The following FBXL7 variants were observed in gnomAD, a reference collection of about 807,000 sequenced individuals.
The protein encoded by FBXL7 is F-box and leucine rich repeat protein 7, also known as F-box/LRR-repeat protein 7.
A neutral mutation model predicts 38.3 loss-of-function variants in FBXL7; 12 were observed. That is an observed-to-expected ratio of 0.31 (90% CI 0.20 to 0.51). FBXL7 has a LOEUF of 0.51. Ranked by LOEUF, FBXL7 falls within the 20% of genes least tolerant of loss-of-function variation. The pLI is 0.98. For synonymous variants in FBXL7, 297 were observed against 300.9 expected (o/e 0.99, Z 0.13); for missense variants, 567 against 676.4 (o/e 0.84, Z 1.79).
At chr5:15,788,910 G>C (rs1284464735) in intron 2 of FBXL7, among the ~76,000 whole-genome samples, 9 of 151,112 alleles carry the variant, frequency 6.0e-5, no homozygotes, top group African/African-American at 2.4e-5. Flanking sequence ...GAGTACAGTG[G>C]TGTGATCTCG....
intron 2 of FBXL7, among the ~76,000 whole-genome samples, chr5:15,912,873 C>T (rs559569332): frequency 3.3e-5 from 5 of 152,206 alleles, no homozygotes; most frequent in Non-Finnish European, 7.4e-5. Context: ...TGAACTTAGA[C>T]TGTAGTAGGC....
chr5:15,587,105 C>T (rs1286971172), intron 1 of FBXL7, among the ~76,000 whole-genome samples: 1 of 152,186 alleles, frequency 6.6e-6, no homozygotes, highest in Non-Finnish European at 1.5e-5. Flanking sequence ...TAAAACCTGC[C>T]ATTTGTCCTG....
chr5:15,683,323 A>T (rs552343107), intron 2 of FBXL7, among the ~76,000 whole-genome samples: 16 of 152,198 alleles, frequency 1.1e-4, no homozygotes, highest in African/African-American at 3.9e-4. Context: ...TTATTCTAGG[A>T]ATTTTGTGGG....
intron 1 of FBXL7, among the ~76,000 whole-genome samples, chr5:15,522,499 CT>C (rs1381004317): frequency 2.6e-5 from 4 of 152,162 alleles, no homozygotes; most frequent in Admixed American, 2.0e-4. Flanking sequence ...CATACTCGAC[CT>C]CTCTAATGTG....
At chr5:15,624,257 G>GGCCA (rs1178418884) in intron 2 of FBXL7, among the ~76,000 whole-genome samples, 1 of 152,192 alleles carries the variant, frequency 6.6e-6, no homozygotes, top group Admixed American at 6.5e-5. Flanking sequence ...AATGTTGAGT[G>GGCCA]GTGGGGCCTA....
chr5:15,547,537 A>G (rs906448523), intron 1 of FBXL7, among the ~76,000 whole-genome samples: 3 of 152,228 alleles, frequency 2.0e-5, no homozygotes, highest in African/African-American at 7.2e-5. Context: ...AGAGGCAGCC[A>G]GGAATGGCAG....
intron 2 of FBXL7, among the ~76,000 whole-genome samples, chr5:15,728,849 A>G (rs1735492666): frequency 6.6e-6 from 1 of 152,148 alleles, no homozygotes; most frequent in Non-Finnish European, 1.5e-5. Flanking sequence ...GTGGATGTAA[A>G]TTAAAGGTCT....
intron 2 of FBXL7, among the ~76,000 whole-genome samples, chr5:15,840,729 C>G (rs181226396): frequency 1.2e-4 from 18 of 151,548 alleles, no homozygotes; most frequent in African/African-American, 4.4e-4. Flanking sequence ...CGCTTGTAGT[C>G]TCAGCTACTT....
At chr5:15,523,682 G>T (rs1421230958) in intron 1 of FBXL7, among the ~76,000 whole-genome samples, 1 of 152,162 alleles carries the variant, frequency 6.6e-6, no homozygotes, top group Non-Finnish European at 1.5e-5. Context: ...ACCGTCCGTG[G>T]CGCCTTCTGC....
At chr5:15,605,176 G>A (rs542546967) in intron 1 of FBXL7, among the ~76,000 whole-genome samples, 2 of 152,258 alleles carry the variant, frequency 1.3e-5, no homozygotes, top group South Asian at 4.1e-4. Context: ...AGACTGCTGT[G>A]TGCCTTGTTC....
intron 2 of FBXL7, among the ~76,000 whole-genome samples, chr5:15,712,639 A>C (rs942040468): frequency 6.6e-6 from 1 of 152,048 alleles, no homozygotes; most frequent in South Asian, 2.1e-4. Flanking sequence ...ATTTCTATGG[A>C]GCCTAGAGAT....
chr5:15,877,583 T>A (rs542262500), intron 2 of FBXL7, among the ~76,000 whole-genome samples: 1 of 152,234 alleles, frequency 6.6e-6, no homozygotes, highest in East Asian at 1.9e-4. Flanking sequence ...AATAAAATAA[T>A]GTAAAATGAT....
chr5:15,510,398 T>C (rs1002080018), intron 1 of FBXL7, among the ~76,000 whole-genome samples: 1 of 152,146 alleles, frequency 6.6e-6, no homozygotes, highest in African/African-American at 2.4e-5. Context: ...AGTCTACTTA[T>C]ATGTGAAGTT....
Position 15,613,337 on chromosome 5 carries a change from A to ATAC in FBXL7, c.38-2644_38-2642dup, listed in dbSNP as rs151220848. ...GACTGGGGTCAGAGGCCAGGTGGAC[A>ATAC]TACTTCTAACCAGGTGCCCAGTCTG... On this transcript the variant is annotated intron_variant, in intron 1 of 3. Coordinates refer to ENST00000504595, the MANE Select transcript of FBXL7 (RefSeq NM_012304.5). Among the ~76,000 whole-genome samples the ATAC allele has an allele frequency of 5.9e-3, 902 of 152,314 alleles. 7 individuals carry two copies. The highest frequency in any genetic ancestry group is 0.02 in the African/African-American group (851 of 41,564).
At chr5:15,644,715 T>G (rs546194320) in intron 2 of FBXL7, among the ~76,000 whole-genome samples, 79 of 152,298 alleles carry the variant, frequency 5.2e-4, no homozygotes, top group African/African-American at 1.9e-3. Context: ...TAATGAATCA[T>G]TACATGCTAT....
At chr5:15,825,470 C>T (rs1220805052) in intron 2 of FBXL7, among the ~76,000 whole-genome samples, 1 of 152,070 alleles carries the variant, frequency 6.6e-6, no homozygotes, top group Non-Finnish European at 1.5e-5. Context: ...TCTTACAACT[C>T]ATTAGTAGAG....
At chr5:15,825,538 CAGAA>C (rs1738287645) in intron 2 of FBXL7, among the ~76,000 whole-genome samples, 1 of 152,192 alleles carries the variant, frequency 6.6e-6, no homozygotes, top group Admixed American at 6.5e-5. Context: ...TTCTAGCCAA[CAGAA>C]AGAACTCACC....
chr5:15,848,405 G>T (rs958830787), intron 2 of FBXL7, among the ~76,000 whole-genome samples: 1 of 151,786 alleles, frequency 6.6e-6, no homozygotes, highest in Non-Finnish European at 1.5e-5. Context: ...TTTTTGAGAC[G>T]GAGTCTAGCT....
chr5:15,721,339 A>G (rs1744189180), intron 2 of FBXL7, among the ~76,000 whole-genome samples: 1 of 152,114 alleles, frequency 6.6e-6, no homozygotes, highest in Non-Finnish European at 1.5e-5. Flanking sequence ...TATTACATCC[A>G]TGAAGGACTT....
Sources: gnomAD v4.1 joint callset for allele counts (sites outside exome capture counted in the v4.1 genomes callset) on GRCh38, gnomAD v4.1.1 for gene constraint, MANE v1.5 for transcripts, NCBI Gene and HGNC (gene_info 2026-07-23, HGNC 2026-07-21) for gene names.